The following OSBPL9 variants were observed in gnomAD, a reference collection of about 807,000 sequenced individuals.
OSBPL9 encodes the protein oxysterol binding protein like 9.
OSBPL9 carries 40 observed loss-of-function variants against 106.6 expected under a neutral mutation model. The ratio of observed to expected loss-of-function variants is 0.38; its 90% confidence interval spans 0.29 to 0.49. The LOEUF is 0.49. Ranked by LOEUF, OSBPL9 falls within the 20% of genes least tolerant of loss-of-function variation. The pLI, the probability that OSBPL9 is intolerant of heterozygous loss-of-function variation, is 0.97. For missense variants in OSBPL9, 609 were observed against 887.2 expected (o/e 0.69, Z 3.98); for synonymous variants, 269 against 295.4 (o/e 0.91, Z 0.92).
intron 12 of OSBPL9, among the ~76,000 whole-genome samples, chr1:51,767,896 G>T (rs1672917601): frequency 7.0e-6 from 1 of 143,034 alleles, no homozygotes. Context: ...TTTTTGAAGG[G>T]TTCAGTCATT....
chr1:51,664,927 A>G (rs1235630009), intron 2 of OSBPL9, among the ~76,000 whole-genome samples: 2 of 152,176 alleles, frequency 1.3e-5, no homozygotes, highest in East Asian at 1.9e-4. Context: ...ATAATGCCTC[A>G]CTCATGAAAA....
chr1:51,774,189 G>T (rs1009726579), intron 14 of OSBPL9, among the ~76,000 whole-genome samples: 1 of 152,100 alleles, frequency 6.6e-6, no homozygotes, highest in African/African-American at 2.4e-5. Context: ...AGAGTTCTTG[G>T]GGGTGAAGCA....
At chr1:51,580,435 T>C (rs746071997) in intron 1 of OSBPL9, among the ~76,000 whole-genome samples, 14 of 152,226 alleles carry the variant, frequency 9.2e-5, no homozygotes, top group Non-Finnish European at 1.6e-4. Flanking sequence ...GCTGCTGTCA[T>C]TGAATGAGAG....
chr1:51,688,368 A>G (rs1430320577), intron 3 of OSBPL9, among the ~76,000 whole-genome samples: 6 of 152,176 alleles, frequency 3.9e-5, no homozygotes, highest in African/African-American at 1.2e-4. Flanking sequence ...ATGGTAGCCT[A>G]TGCCTGTAAT....
At chr1:51,717,434 T>C (rs1288469810) in intron 4 of OSBPL9, among the ~76,000 whole-genome samples, 1 of 152,252 alleles carries the variant, frequency 6.6e-6, no homozygotes, top group Admixed American at 6.5e-5. Flanking sequence ...ACTTCTGAAC[T>C]TTTATTCTCT....
intron 4 of OSBPL9, among the ~76,000 whole-genome samples, chr1:51,727,726 G>C (rs1307573270): frequency 6.6e-6 from 1 of 152,098 alleles, no homozygotes; most frequent in East Asian, 1.9e-4. Flanking sequence ...AATAACTCAG[G>C]TAAGGTGGTG....
chr1:51,748,812 G>A (rs368897641), intron 7 of OSBPL9, among the ~76,000 whole-genome samples: 74 of 152,156 alleles, frequency 4.9e-4, no homozygotes, highest in East Asian at 4.3e-3. Context: ...TTGGCCGGGC[G>A]CGGTGGCTCA....
intron 4 of OSBPL9, among the ~76,000 whole-genome samples, chr1:51,742,410 T>G (rs1667120713): frequency 1.3e-5 from 2 of 152,120 alleles, no homozygotes; most frequent in African/African-American, 4.8e-5. Context: ...AAGGACTATA[T>G]TCTTAGTCCT....
At chr1:51,726,102 C>A (rs1476141907) in intron 4 of OSBPL9, among the ~76,000 whole-genome samples, 2 of 152,158 alleles carry the variant, frequency 1.3e-5, no homozygotes, top group African/African-American at 4.8e-5. Flanking sequence ...TTAAGAAAAT[C>A]ATAAGGAAGA....
At chr1:51,713,548 A>G (rs1460681224) in intron 3 of OSBPL9, among the ~76,000 whole-genome samples, 1 of 152,146 alleles carries the variant, frequency 6.6e-6, no homozygotes, top group African/African-American at 2.4e-5. Flanking sequence ...CACACTGACA[A>G]GCTTTTAAGT....
intron 11 of OSBPL9, 180 bp from the exon 12 acceptor site, chr1:51,765,642 A>G (rs890320778): frequency 1.2e-5 from 6 of 491,630 alleles, no homozygotes; most frequent in Non-Finnish European, 7.2e-6. Context: ...CTCATTTTAT[A>G]TCATGATTTG....
At chr1:51,618,989 T>C (rs1644258947) in intron 1 of OSBPL9, among the ~76,000 whole-genome samples, 1 of 152,220 alleles carries the variant, frequency 6.6e-6, no homozygotes, top group African/African-American at 2.4e-5. Context: ...TTTCTTTCTC[T>C]ACATAGTTTT....
chr1:51,623,410 G>C (rs1361053566), intron 1 of OSBPL9, among the ~76,000 whole-genome samples: 1 of 152,132 alleles, frequency 6.6e-6, no homozygotes, highest in Non-Finnish European at 1.5e-5. Context: ...AATGACAGTG[G>C]GAACTGGAAA....
intron 3 of OSBPL9, among the ~76,000 whole-genome samples, chr1:51,699,677 A>G (rs1045231269): frequency 1.3e-5 from 2 of 152,142 alleles, no homozygotes; most frequent in African/African-American, 4.8e-5. Context: ...TCTGGAATCA[A>G]CCATTTTTCC....
intron 1 of OSBPL9, among the ~76,000 whole-genome samples, chr1:51,649,288 G>A (rs757504165): frequency 6.6e-6 from 1 of 152,064 alleles, no homozygotes. Flanking sequence ...TGTATTTTTA[G>A]TAGAGATAGG....
chr1:51,711,740 A>T (rs1309021736), intron 3 of OSBPL9, among the ~76,000 whole-genome samples: 5 of 133,160 alleles, frequency 3.8e-5, no homozygotes, highest in African/African-American at 1.2e-4. Flanking sequence ...AGACGGGGTC[A>T]CGGCCGGGCA....
At chr1:51,600,304 G>A (rs1242136859) in intron 2 of OSBPL9, among the ~76,000 whole-genome samples, 1 of 152,200 alleles carries the variant, frequency 6.6e-6, no homozygotes, top group African/African-American at 2.4e-5. Flanking sequence ...TGAAAGAGAT[G>A]TCAGGCTTAG....
At chr1:51,684,905 CTCT>C (rs200058503) in intron 3 of OSBPL9, among the ~76,000 whole-genome samples, 11 of 147,078 alleles carry the variant, frequency 7.5e-5, no homozygotes, top group Admixed American at 3.4e-4. Context: ...CTGAACACTG[CTCT>C]TCTTCTTTTT....
intron 4 of OSBPL9, chr1:51,730,268 CTTTT>C (rs566116650): frequency 3.9e-6 from 3 of 771,084 alleles, no homozygotes; most frequent in South Asian, 6.9e-5. Flanking sequence ...GAGGAGGTCT[CTTTT>C]TTTCTATTCA....
Sources: allele counts gnomAD v4.1 joint callset (sites outside exome capture counted in the v4.1 genomes callset), GRCh38; gene constraint gnomAD v4.1.1; transcripts MANE v1.5; gene names NCBI Gene and HGNC (gene_info 2026-07-23, HGNC 2026-07-21).